CPLANE1: variants seen among roughly 807,000 people sequenced by gnomAD.
CPLANE1 encodes the protein ciliogenesis and planar polarity effector complex subunit 1.
CPLANE1 carries 263 observed loss-of-function variants against 362.5 expected under a neutral mutation model. The observed-to-expected ratio is 0.73, with a 90% CI of 0.66 to 0.80. The LOEUF (loss-of-function observed/expected upper bound fraction) is 0.80. Among genes scored for constraint, CPLANE1 ranks in the 30% least tolerant of loss-of-function variants. CPLANE1 has a pLI of 0.00. For missense variants in CPLANE1, 3,461 were observed against 3,793.4 expected (o/e 0.91, Z 2.30); for synonymous variants, 1,212 against 1,302.6 (o/e 0.93, Z 1.50).
intron 47 of CPLANE1, among the ~76,000 whole-genome samples, chr5:37,122,836 G>C (rs931036398): frequency 1.3e-5 from 2 of 152,036 alleles, no homozygotes; most frequent in African/African-American, 4.8e-5. Context: ...AGCTGAGATA[G>C]CGCCACTGCA....
chr5:37,182,956 C>T lies in CPLANE1; in HGVS notation c.5225G>A (p.Ser1742Asn). The change falls in exon 26 of 53, where the codon AGT becomes AAT. Residue 1742 changes from serine to asparagine, a missense_variant. Around this residue, in one of 2 missense-constraint regions of CPLANE1, gnomAD observed 3,380 missense variants for 3,666.1 expected, o/e 0.92. Transcript: ENST00000651892. ...DLPLALNTFGSIGRLLEWMIR... is the reference protein window; with the variant it reads ...DLPLALNTFGNIGRLLEWMIR... ...CATCCATTCCAGCAGTCTTCCTATA[C>T]TGCCAAAAGTGTTTAGTGCTAAAGG... The T allele has an allele frequency of 1.2e-6, 2 of 1,605,788 alleles. No individual in the cohort carries two copies. Among genetic ancestry groups the T allele is most frequent in the Non-Finnish European group, 1.7e-6 (2 of 1,176,248 alleles).
In CPLANE1 at chr5:37,144,783, G is replaced by A. The variant is rs184341249; in HGVS notation, c.8462-2303C>T. On this transcript the variant is annotated intron_variant, in intron 43 of 52. Coordinates refer to ENST00000651892, the MANE Select transcript of CPLANE1 (RefSeq NM_001384732.1). ...GGAGAATGGCATGAACCCAGGAGGC[G>A]GAGTTTGCAGTGAGCCAAGATAGCA... 7.6e-4 allele frequency among the ~76,000 whole-genome samples: 115 copies of A among 150,624 alleles called. 1 individual carries two copies. Among genetic ancestry groups the A allele is most frequent in the Admixed American group, 6.1e-3 (93 of 15,148 alleles).
rs530315627 is a variant in CPLANE1, at chr5:37,207,935, G to T, written c.2921-1510C>A. 1.1e-3 allele frequency among the ~76,000 whole-genome samples: 172 copies of T among 151,656 alleles called. 1 individual carries two copies. The highest frequency in any genetic ancestry group is 3.3e-3 in the African/African-American group (135 of 41,296). On this transcript the variant is annotated intron_variant, in intron 16 of 52. Coordinates refer to ENST00000651892, the MANE Select transcript of CPLANE1 (RefSeq NM_001384732.1). ...TTTTTTTGTTTGCTTTGGTTTTTTT[G>T]TTGTTGTTGTTTTTGTTTTGTTTTG...
intron 46 of CPLANE1, among the ~76,000 whole-genome samples, chr5:37,132,883 T>C (rs1433184849): frequency 6.6e-6 from 1 of 152,236 alleles, no homozygotes; most frequent in Admixed American, 6.5e-5. Context: ...CCTAAGTTTC[T>C]TCTAGGATTC....
At chr5:37,121,508 C>G in intron 49 of CPLANE1, 109 bp downstream of exon 49, 1 of 954,700 alleles carries the variant, frequency 1.0e-6, no homozygotes, top group Admixed American at 2.5e-5. Context: ...CATCATAACT[C>G]TAAGCAGGGT....
chr5:37,109,546 T>A (rs374179828), intron 51 of CPLANE1, among the ~76,000 whole-genome samples: 1 of 152,212 alleles, frequency 6.6e-6, no homozygotes, highest in East Asian at 1.9e-4. Flanking sequence ...CTTCTTAAAA[T>A]CCTTGCTTGG....
intron 52 of CPLANE1, 150 bp from the exon 53 acceptor site, chr5:37,107,928 G>C: frequency 7.9e-7 from 1 of 1,272,158 alleles, no homozygotes; most frequent in South Asian, 1.6e-5. Context: ...CAGGAAATAG[G>C]GCTGTGATTG....
At chr5:37,157,281 A>G (rs896178386) in intron 41 of CPLANE1, 32 bp downstream of exon 41, 21 of 1,240,466 alleles carry the variant, frequency 1.7e-5, no homozygotes, top group Non-Finnish European at 2.3e-5. Context: ...GTAATTCAGG[A>G]GAGGGTCATG....
chr5:37,107,150 T>C lies in CPLANE1; in HGVS notation c.*452A>G, dbSNP rs1342256932. The stretch of plus-strand genomic sequence containing the variant: ...CTAGGCTAAACCCTGCATAGGTGTT[T>C]TAAAATAGGGTTCATAATTGAGTTC... On this transcript the variant is annotated 3_prime_UTR_variant, in exon 53 of 53. Coordinates refer to ENST00000651892, the MANE Select transcript of CPLANE1 (RefSeq NM_001384732.1). 4 of 985,554 alleles carry C rather than the reference T, an allele frequency of 4.1e-6. No homozygotes were observed. The highest frequency in any genetic ancestry group is 4.8e-6 in the Non-Finnish European group (4 of 830,064). 61.1% of individuals were successfully genotyped at this position (985,554 alleles called of 1,614,324 possible). A position where few individuals can be genotyped will look rare whatever the true frequency, so the allele number is the denominator to read the frequency against.
At chr5:37,080,190 C>T in the CPLANE1 span, among the ~76,000 whole-genome samples, 1 of 152,190 alleles carries the variant, frequency 6.6e-6, no homozygotes, top group African/African-American at 2.4e-5. Context: ...TTCTTTTAGA[C>T]ATTAGACAAA....
chr5:37,131,016 G>A (rs28717700), intron 46 of CPLANE1, among the ~76,000 whole-genome samples: 227 of 152,328 alleles, frequency 1.5e-3, no homozygotes, highest in Non-Finnish European at 2.7e-3. Flanking sequence ...TGTCTGGATA[G>A]AAGAACATAC....
intron 21 of CPLANE1, among the ~76,000 whole-genome samples, chr5:37,192,148 T>C (rs1785718483): frequency 6.6e-6 from 1 of 152,226 alleles, no homozygotes; most frequent in Non-Finnish European, 1.5e-5. Context: ...TGTTTATATA[T>C]ACAAATATTT....
At chr5:37,187,381 G>A (rs761849253) in intron 23 of CPLANE1, 33 bp downstream of exon 23, 31 of 1,529,640 alleles carry the variant, frequency 2.0e-5, no homozygotes, top group Non-Finnish European at 2.7e-5. Context: ...CTCTGATTCT[G>A]ATGTAGTTTA....
intron 46 of CPLANE1, among the ~76,000 whole-genome samples, chr5:37,129,459 C>G (rs577586398): frequency 6.6e-6 from 1 of 152,220 alleles, no homozygotes; most frequent in Admixed American, 6.5e-5. Flanking sequence ...GCAGAGTAAA[C>G]AGACAACCCA....
At chr5:37,172,855 AC>A (rs940816834) in intron 32 of CPLANE1, among the ~76,000 whole-genome samples, 1 of 152,210 alleles carries the variant, frequency 6.6e-6, no homozygotes, top group Non-Finnish European at 1.5e-5. Flanking sequence ...GCAAGGTGGT[AC>A]ATGCCTATAA....
intron 21 of CPLANE1, among the ~76,000 whole-genome samples, chr5:37,192,551 A>G (rs189825487): frequency 6.6e-6 from 1 of 152,300 alleles, no homozygotes; most frequent in Admixed American, 6.5e-5. Flanking sequence ...AGTCATGATA[A>G]TAGAATTATG....
chr5:37,167,199 T>C lies in CPLANE1; in HGVS notation c.7248A>G (p.Gln2416=), dbSNP rs762833005. 3 of 1,608,944 alleles carry C rather than the reference T, an allele frequency of 1.9e-6. No individual in the cohort carries two copies. The highest frequency in any genetic ancestry group is 1.7e-5 in the Admixed American group (1 of 58,564). ...LSPENRCKKT[Q]LIPLENLIAF... ...CAATGAGGTTTTCAAGTGGGATAAG[T>C]TGTGTTTTTTTGCACTACAAGAAAG... The change falls in exon 35 of 53, where the codon CAA becomes CAG. Residue 2416 remains glutamine, a synonymous_variant. Coordinates refer to ENST00000651892, the MANE Select transcript of CPLANE1 (RefSeq NM_001384732.1).
chr5:37,084,026 G>A, the CPLANE1 span, among the ~76,000 whole-genome samples: 1 of 152,154 alleles, frequency 6.6e-6, no homozygotes, highest in Non-Finnish European at 1.5e-5. Context: ...AGAGCTGTGA[G>A]ACAAAAGCAC....
At chr5:37,160,816 C>T (rs181088415) in intron 38 of CPLANE1, among the ~76,000 whole-genome samples, 46 of 151,710 alleles carry the variant, frequency 3.0e-4, no homozygotes, top group African/African-American at 9.7e-4. Flanking sequence ...GGACTACAGG[C>T]GCCTGCCACC....
Sources: gnomAD v4.1 joint callset for allele counts (sites outside exome capture counted in the v4.1 genomes callset) on GRCh38, gnomAD v4.1.1 for gene constraint, gnomAD v4.1.1 regional missense constraint, MANE v1.5 for transcripts, NCBI Gene and HGNC (gene_info 2026-07-23, HGNC 2026-07-21) for gene names.